The following ARL15 variants were observed in gnomAD, a reference collection of about 807,000 sequenced individuals.
ARL15 encodes the protein ADP-ribosylation factor-like protein 15.
A neutral mutation model predicts 25.2 loss-of-function variants in ARL15; 19 were observed. The observed-to-expected ratio is 0.75, with a 90% CI of 0.53 to 1.10. The LOEUF is 1.10. ARL15 is among the 50% of genes least tolerant of loss of function. The pLI is 0.00. For synonymous variants in ARL15, 94 were observed against 86.8 expected (o/e 1.08, Z -0.46); for missense variants, 220 against 246.0 (o/e 0.89, Z 0.71).
intron 4 of ARL15, among the ~76,000 whole-genome samples, chr5:53,941,143 T>A (rs2112085086): frequency 6.6e-6 from 1 of 152,302 alleles, no homozygotes; most frequent in East Asian, 1.9e-4. Flanking sequence ...GTCATTCTCT[T>A]CTTCTACTTT....
At chr5:54,230,346 G>GAAAAAAAAAAAAAAAAAAAAAAAAAAAAA (rs137882615) in intron 1 of ARL15, among the ~76,000 whole-genome samples, 18 of 91,846 alleles carry the variant, frequency 2.0e-4, no homozygotes, top group South Asian at 3.6e-4. Flanking sequence ...TTCCATCTCA[G>GAAAAAAAAAAAAAAAAAAAAAAAAAAAAA]AAAAAAAAAA....
rs13357708 is a variant in ARL15 at position 54,234,911 on chromosome 5, T to C, written c.49-62983A>G. Among the ~76,000 whole-genome samples, 997 of 152,282 alleles carry C rather than the reference T, an allele frequency of 6.5e-3. 10 individuals carry two copies. Among genetic ancestry groups the C allele is most frequent in the African/African-American group, 0.022 (932 of 41,570 alleles). On this transcript the variant is annotated intron_variant, in intron 1 of 4. Transcript: ENST00000504924. ...TATGTTTTTAAAAGAGCTAAGAAAA[T>C]GTGAAACCAAATCTAGTTTGAATGT... is the stretch of plus-strand genomic sequence containing the variant.
intron 4 of ARL15, among the ~76,000 whole-genome samples, chr5:54,049,185 A>T (rs1281597791): frequency 6.6e-6 from 1 of 152,080 alleles, no homozygotes; most frequent in Non-Finnish European, 1.5e-5. Flanking sequence ...CTACGTGTAT[A>T]CCTAAGATAT....
At chr5:54,280,165 A>G (rs1758019916) in intron 1 of ARL15, among the ~76,000 whole-genome samples, 1 of 152,032 alleles carries the variant, frequency 6.6e-6, no homozygotes, top group Admixed American at 6.5e-5. Context: ...CTCTTCCTTC[A>G]CAGATGTCAG....
chr5:54,176,543 G>T (rs2112415733), intron 1 of ARL15, among the ~76,000 whole-genome samples: 1 of 152,222 alleles, frequency 6.6e-6, no homozygotes, highest in Non-Finnish European at 1.5e-5. Context: ...AGCAGCTCTT[G>T]CATTGTTAAG....
At chr5:54,264,225 CTT>C (rs1757566082) in intron 1 of ARL15, among the ~76,000 whole-genome samples, 1 of 152,078 alleles carries the variant, frequency 6.6e-6, no homozygotes, top group Admixed American at 6.6e-5. Context: ...CATATGAATC[CTT>C]GACTCCTCTC....
At chr5:54,031,270 A>G (rs1561195815) in intron 4 of ARL15, among the ~76,000 whole-genome samples, 3 of 152,216 alleles carry the variant, frequency 2.0e-5, no homozygotes, top group Admixed American at 1.3e-4. Flanking sequence ...CACTTTGGGA[A>G]AGATAACTTG....
chr5:54,051,262 A>G (rs1750692996), intron 4 of ARL15, among the ~76,000 whole-genome samples: 1 of 152,218 alleles, frequency 6.6e-6, no homozygotes, highest in Admixed American at 6.5e-5. Context: ...TCTCATTTTA[A>G]GTATGAAGAA....
intron 3 of ARL15, among the ~76,000 whole-genome samples, chr5:54,117,858 T>C (rs149990387): frequency 1.2e-4 from 19 of 152,316 alleles, no homozygotes; most frequent in African/African-American, 4.6e-4. Context: ...AAATTTGTTT[T>C]CAAGCAAAAG....
intron 3 of ARL15, among the ~76,000 whole-genome samples, chr5:54,122,432 C>T (rs755824936): frequency 1.3e-5 from 2 of 152,228 alleles, no homozygotes; most frequent in Non-Finnish European, 2.9e-5. Context: ...CACGTGCATG[C>T]GTGCGCAATG....
At chr5:53,938,548 C>T (rs976161277) in intron 4 of ARL15, among the ~76,000 whole-genome samples, 10 of 152,346 alleles carry the variant, frequency 6.6e-5, no homozygotes, top group East Asian at 1.9e-4. Context: ...CAATTCTGGC[C>T]GGGTGCTGTG....
intron 1 of ARL15, among the ~76,000 whole-genome samples, chr5:54,284,599 C>T (rs73757023): frequency 0.017 from 2,573 of 152,254 alleles, 76 homozygotes; most frequent in African/African-American, 0.059. Flanking sequence ...TCTTTAGTTA[C>T]TAAAAACCTA....
intron 4 of ARL15, among the ~76,000 whole-genome samples, chr5:54,032,101 C>A (rs1243163763): frequency 6.6e-6 from 1 of 152,098 alleles, no homozygotes; most frequent in Non-Finnish European, 1.5e-5. Context: ...CTACTCTATC[C>A]CTCTCAAGGC....
At chr5:54,289,201 T>G (rs986464773) in intron 1 of ARL15, among the ~76,000 whole-genome samples, 2 of 152,290 alleles carry the variant, frequency 1.3e-5, no homozygotes, top group Non-Finnish European at 2.9e-5. Flanking sequence ...ATTAAACAAT[T>G]TCATATTTGC....
intron 4 of ARL15, among the ~76,000 whole-genome samples, chr5:54,057,062 T>TAA (rs71598896): frequency 9.0e-5 from 13 of 145,178 alleles, no homozygotes; most frequent in South Asian, 2.2e-4. Flanking sequence ...TATAGTCTAA[T>TAA]AAAAAAAAAA....
intron 4 of ARL15, among the ~76,000 whole-genome samples, chr5:53,905,608 G>A (rs1745223304): frequency 6.6e-6 from 1 of 152,136 alleles, no homozygotes; most frequent in African/African-American, 2.4e-5. Flanking sequence ...TTTCTTTAGA[G>A]AGCAGGTAAT....
At chr5:54,058,118 G>C (rs1750945042) in intron 4 of ARL15, among the ~76,000 whole-genome samples, 1 of 151,650 alleles carries the variant, frequency 6.6e-6, no homozygotes, top group South Asian at 2.1e-4. Context: ...TGATTCCCCT[G>C]CCTCAGCCTC....
At chr5:54,036,952 C>T (rs1294955406) in intron 4 of ARL15, among the ~76,000 whole-genome samples, 3 of 151,780 alleles carry the variant, frequency 2.0e-5, no homozygotes, top group East Asian at 3.9e-4. Flanking sequence ...TACGTAAAAG[C>T]GATTCATCAT....
At chr5:54,134,808 C>A (rs1361689330) in intron 3 of ARL15, among the ~76,000 whole-genome samples, 3 of 151,908 alleles carry the variant, frequency 2.0e-5, no homozygotes, top group African/African-American at 7.3e-5. Flanking sequence ...TGGTCTCAAT[C>A]TCTTGACATG....
Sources: gnomAD v4.1 joint callset for allele counts (sites outside exome capture counted in the v4.1 genomes callset) on GRCh38, gnomAD v4.1.1 for gene constraint, MANE v1.5 for transcripts, NCBI Gene and HGNC (gene_info 2026-07-23, HGNC 2026-07-21) for gene names.